The following LYRM4 variants were observed in gnomAD, a reference collection of about 807,000 sequenced individuals.
LYRM4 encodes the protein LYR motif-containing protein 4.
A neutral mutation model predicts 11.7 loss-of-function variants in LYRM4; 9 were observed. The observed-to-expected ratio is 0.77, with a 90% CI of 0.46 to 1.34. The LOEUF (loss-of-function observed/expected upper bound fraction) is 1.34. LYRM4 is among the 40% of genes most tolerant of loss of function. The probability of loss-of-function intolerance (pLI) is 0.00; values close to 1 mark genes in which losing one functional copy is unlikely to be tolerated. For synonymous variants in LYRM4, 42 were observed against 40.4 expected, an observed-to-expected ratio of 1.04 and a Z score of -0.15; for missense variants, 133 against 112.5, an observed-to-expected ratio of 1.18 and a Z score of -0.82.
chr6:5,109,077 G>A lies in LYRM4; in HGVS notation c.*346C>T, dbSNP rs1465154157. On this transcript the variant is annotated 3_prime_UTR_variant, in exon 3 of 3. Coordinates refer to ENST00000330636, the MANE Select transcript of LYRM4 (RefSeq NM_020408.6). ...GTTTATCTGGGGTCAAAGGCTCAGGGAGATCATTCTTTTTATTGCCAAGGA... is the reference window on the plus strand; with the variant it reads ...GTTTATCTGGGGTCAAAGGCTCAGGAAGATCATTCTTTTTATTGCCAAGGA... The A allele has an allele frequency of 3.7e-6, 4 of 1,068,948 alleles. No homozygotes were observed. Among genetic ancestry groups the A allele is most frequent in the Non-Finnish European group, 4.5e-6 (4 of 880,452 alleles). The allele number at this position is 1,068,948 out of a possible 1,614,324, so 66.2% of individuals were successfully genotyped here.
the LYRM4 span, chr6:5,066,562 C>G: frequency 4.4e-6 from 4 of 910,254 alleles, no homozygotes; most frequent in Non-Finnish European, 7.4e-6. Context: ...AGTTTTCCAT[C>G]CAGATTTTTT....
chr6:5,177,858 C>A (rs1026075699), intron 2 of LYRM4, among the ~76,000 whole-genome samples: 1 of 152,134 alleles, frequency 6.6e-6, no homozygotes, highest in Non-Finnish European at 1.5e-5. Flanking sequence ...AGATTTCTTT[C>A]CAAGAACATA....
chr6:5,229,700 CA>C (rs1763118398), intron 1 of LYRM4, among the ~76,000 whole-genome samples: 1 of 151,940 alleles, frequency 6.6e-6, no homozygotes, highest in Non-Finnish European at 1.5e-5. Context: ...AATTTATGTG[CA>C]AAAAAAGTAT....
intron 2 of LYRM4, among the ~76,000 whole-genome samples, chr6:5,116,082 AGTCCCATACT>A (rs1346227956): frequency 6.6e-6 from 1 of 152,216 alleles, no homozygotes; most frequent in Non-Finnish European, 1.5e-5. Context: ...TAAAAATATC[AGTCCCATACT>A]CCATGGTTCT....
the LYRM4 span, among the ~76,000 whole-genome samples, chr6:5,047,910 G>T: frequency 6.6e-6 from 1 of 152,208 alleles, no homozygotes; most frequent in African/African-American, 2.4e-5. Context: ...TGGGGGTTAT[G>T]AGGAAGGGTT....
chr6:5,160,354 A>G (rs1190778201), intron 2 of LYRM4, among the ~76,000 whole-genome samples: 2 of 152,098 alleles, frequency 1.3e-5, no homozygotes, highest in Non-Finnish European at 2.9e-5. Flanking sequence ...TCTCAACCCA[A>G]GAGATATGGT....
intron 1 of LYRM4, among the ~76,000 whole-genome samples, chr6:5,246,339 C>G (rs1764195483): frequency 6.6e-6 from 1 of 152,182 alleles, no homozygotes; most frequent in Admixed American, 6.5e-5. Context: ...GCGCCACTGG[C>G]AAATTTGAAG....
chr6:5,071,890 C>A, the LYRM4 span, among the ~76,000 whole-genome samples: 2 of 152,088 alleles, frequency 1.3e-5, no homozygotes, highest in East Asian at 3.9e-4. Context: ...AGTGATCTGC[C>A]CACCTCGGCC....
the LYRM4 span, among the ~76,000 whole-genome samples, chr6:5,079,200 A>T: frequency 6.6e-6 from 1 of 152,226 alleles, no homozygotes; most frequent in Non-Finnish European, 1.5e-5. Context: ...TGGAGATGTA[A>T]TAAAACAAAG....
chr6:5,113,082 G>A, intron 2 of LYRM4: 1 of 213,006 alleles, frequency 4.7e-6, no homozygotes, highest in South Asian at 5.4e-5. Flanking sequence ...TTGTCTTCAG[G>A]TCAAGGCGAA....
At chr6:5,118,844 C>A (rs1298847708) in intron 2 of LYRM4, among the ~76,000 whole-genome samples, 1 of 152,164 alleles carries the variant, frequency 6.6e-6, no homozygotes, top group Non-Finnish European at 1.5e-5. Context: ...CTAAAAATAG[C>A]CCTCAGTCCA....
Position 5,260,944 on chromosome 6 carries a change from A to T in LYRM4, c.-211T>A. ...CGCCGCTTCGGGGGCGGGCGCAGGC[A>T]GGGCTCGGGGCAGCTAAGGGGGCGG... On this transcript the variant is annotated 5_prime_UTR_variant, in exon 1 of 3. Coordinates refer to ENST00000330636, the MANE Select transcript of LYRM4 (RefSeq NM_020408.6). 1 of 1,339,486 alleles carries T rather than the reference A, an allele frequency of 7.5e-7. No individual in the cohort carries two copies. The highest frequency in any genetic ancestry group is 9.5e-7 in the Non-Finnish European group (1 of 1,048,726). The allele number at this position is 1,339,486 out of a possible 1,614,324, so 83.0% of individuals were successfully genotyped here. A position where few individuals can be genotyped will look rare whatever the true frequency, so the allele number is the denominator to read the frequency against.
downstream of LYRM4, chr6:5,107,755 TG>T (rs974398530): frequency 1.8e-4 from 28 of 152,118 alleles, no homozygotes; most frequent in African/African-American, 6.8e-4. Context: ...TGGCAGGGGG[TG>T]GTGGTTCATG....
At chr6:5,071,987 A>G in the LYRM4 span, among the ~76,000 whole-genome samples, 1 of 151,206 alleles carries the variant, frequency 6.6e-6, no homozygotes, top group East Asian at 1.9e-4. Context: ...CCCACCCCCA[A>G]CCTTCTGACT....
chr6:5,097,645 C>A, the LYRM4 span, among the ~76,000 whole-genome samples: 1 of 152,156 alleles, frequency 6.6e-6, no homozygotes, highest in South Asian at 2.1e-4. Context: ...GCCACTGTAC[C>A]CGGCCAATAA....
At chr6:5,032,654 G>A in the LYRM4 span, 11 of 152,186 alleles carry the variant, frequency 7.2e-5, no homozygotes, top group African/African-American at 2.7e-4. Context: ...GAGAATGTCT[G>A]TAGTTTTATT....
chr6:5,057,735 A>C, the LYRM4 span, among the ~76,000 whole-genome samples: 1 of 151,528 alleles, frequency 6.6e-6, no homozygotes, highest in Non-Finnish European at 1.5e-5. Context: ...GAAAAAAAAA[A>C]ACTTCCCTCA....
At chr6:5,225,938 A>G (rs148707857) in intron 1 of LYRM4, among the ~76,000 whole-genome samples, 1 of 152,310 alleles carries the variant, frequency 6.6e-6, no homozygotes, top group Non-Finnish European at 1.5e-5. Context: ...CTCATCATGT[A>G]TGATGTCCAC....
chr6:5,202,644 G>T (rs948306640), intron 2 of LYRM4, among the ~76,000 whole-genome samples: 2 of 152,242 alleles, frequency 1.3e-5, no homozygotes, highest in African/African-American at 4.8e-5. Flanking sequence ...TTTCTCCCTA[G>T]TTCTCCCAAG....
Sources: allele counts gnomAD v4.1 joint callset (sites outside exome capture counted in the v4.1 genomes callset), GRCh38; gene constraint gnomAD v4.1.1; transcripts MANE v1.5; gene names NCBI Gene and HGNC (gene_info 2026-07-23, HGNC 2026-07-21).